The following GOLGA3 variants were observed in gnomAD, a reference collection of about 807,000 sequenced individuals.
GOLGA3 encodes golgin A3, also known as golgin subfamily A member 3.
Under a neutral mutation model 169.4 loss-of-function variants are expected in GOLGA3, and 75 were observed. The observed-to-expected ratio is 0.44, with a 90% CI of 0.37 to 0.54. GOLGA3 has a LOEUF of 0.54. GOLGA3 is among the 20% of genes least tolerant of loss of function. The probability of loss-of-function intolerance (pLI) is 0.00; values close to 1 mark genes in which losing one functional copy is unlikely to be tolerated. For synonymous variants in GOLGA3, 824 were observed against 822.4 expected, an observed-to-expected ratio of 1.00 and a Z score of -0.03; for missense variants, 1,899 against 1,930.0, an observed-to-expected ratio of 0.98 and a Z score of 0.30.
At chr12:132,796,802 GC>G in intron 9 of GOLGA3, 102 bp from the exon 10 acceptor site, 1 of 1,156,150 alleles carries the variant, frequency 8.6e-7, no homozygotes, top group Non-Finnish European at 1.2e-6. Flanking sequence ...CCTGGCATGG[GC>G]CCCATCCACC....
At position 132,782,395 on chromosome 12, in the gene GOLGA3, C is replaced by T. The variant is rs756998620; in HGVS notation, c.3366G>A (p.Thr1122=). 34 of 1,614,204 alleles carry T rather than the reference C, an allele frequency of 2.1e-5. No individual in the cohort carries two copies. The highest frequency in any genetic ancestry group is 1.6e-4 in the Middle Eastern group (1 of 6,062). Residue 1122 remains threonine, a synonymous_variant, in exon 17 of 24, where the codon ACG becomes ACA. Coordinates refer to ENST00000450791, the MANE Select transcript of GOLGA3 (RefSeq NM_001389683.1). ...GAGCTGCGTTGGACTGACCGAGGCC[C>T]GTAAGCTTCCCTTTCTCGTGCTCTA... is the stretch of plus-strand genomic sequence containing the variant. ...LELEHEKGKL[T]GLGQSNAALR...
Position 132,808,484 on chromosome 12 carries a change from T to C in GOLGA3, c.585A>G (p.Pro195=). 1.2e-6 allele frequency: 2 copies of C among 1,614,042 alleles called. No individual in the cohort carries two copies. The highest frequency in any genetic ancestry group is 1.3e-5 in the African/African-American group (1 of 75,044). The change falls in exon 5 of 24, where the codon CCA becomes CCG. Residue 195 remains proline (P), a synonymous_variant. Coordinates refer to ENST00000450791, the MANE Select transcript of GOLGA3 (RefSeq NM_001389683.1). ...STLDPELMLN[P]ENLPRASTLA... is the part of the protein sequence containing the mutation. Reference sequence around the variant, plus strand: ...GGGTACTGGCCCTTGGTAAGTTTTCTGGGTTTAACATGAGCTCAGGATCAA... The same window carrying C: ...GGGTACTGGCCCTTGGTAAGTTTTCCGGGTTTAACATGAGCTCAGGATCAA...
chr12:132,778,915 AT>A (rs1015226491), intron 18 of GOLGA3, among the ~76,000 whole-genome samples: 1 of 151,758 alleles, frequency 6.6e-6, no homozygotes, highest in Non-Finnish European at 1.5e-5. Context: ...ACCGAAAAAA[AT>A]TCAGTGAACC....
At chr12:132,800,968 C>A (rs1949103426) in intron 8 of GOLGA3, among the ~76,000 whole-genome samples, 1 of 152,074 alleles carries the variant, frequency 6.6e-6, no homozygotes, top group Non-Finnish European at 1.5e-5. Flanking sequence ...CAAAAAAAAA[C>A]CAAAAACAAA....
At chr12:132,819,456 G>A (rs537702952) in intron 2 of GOLGA3, among the ~76,000 whole-genome samples, 14 of 152,286 alleles carry the variant, frequency 9.2e-5, no homozygotes, top group East Asian at 5.8e-4. Context: ...GTGAACCCTC[G>A]AAGTGGAGCT....
In GOLGA3 at chr12:132,782,388, C is replaced by A. The variant is rs146750069; in HGVS notation, c.3373G>T (p.Gly1125Cys). Reference sequence around the variant, plus strand: ...TCCCGCAGAGCTGCGTTGGACTGACCGAGGCCCGTAAGCTTCCCTTTCTCG... The same window carrying A: ...TCCCGCAGAGCTGCGTTGGACTGACAGAGGCCCGTAAGCTTCCCTTTCTCG... The part of the protein sequence containing the change: ...EHEKGKLTGL[G>C]QSNAALREHN... The change falls in exon 17 of 24, where the codon GGT becomes TGT. Residue 1125 changes from glycine to cysteine, a missense_variant. Physicochemically the swap from Gly to Cys is radical, Grantham distance 159. Coordinates refer to ENST00000450791, the MANE Select transcript of GOLGA3 (RefSeq NM_001389683.1). 239 of 1,614,074 alleles carry A rather than the reference C, an allele frequency of 1.5e-4. No individual in the cohort carries two copies. The highest frequency in any genetic ancestry group is 1.9e-4 in the Non-Finnish European group (223 of 1,180,030).
chr12:132,774,872 G>A (rs1733532430), intron 22 of GOLGA3: 4 of 528,202 alleles, frequency 7.6e-6, no homozygotes, highest in Non-Finnish European at 1.3e-5. Flanking sequence ...GGACTGCCGA[G>A]TCACAGACCA....
At chr12:132,815,936 C>T (rs1265207215) in intron 3 of GOLGA3, among the ~76,000 whole-genome samples, 1 of 152,144 alleles carries the variant, frequency 6.6e-6, no homozygotes, top group Non-Finnish European at 1.5e-5. Context: ...TGGTGGCTCA[C>T]GCCTGTAATC....
chr12:132,773,260 C>T lies in GOLGA3; in HGVS notation c.4342G>A (p.Glu1448Lys). The change falls in exon 24 of 24, where the codon GAG (glutamate) becomes AAG (lysine). Residue 1448 changes from glutamate to lysine, a missense_variant. Transcript: ENST00000450791. ...GACTCGTGCACCGTCAGGGCGTGCT[C>T]CTCCATCTGGCGCTGCAGGCTGTCC... ...EMDSLQRQME[E>K]HALTVHESLS... 7 of 1,484,818 alleles carry T rather than the reference C, an allele frequency of 4.7e-6. No homozygotes were observed. Among genetic ancestry groups the T allele is most frequent in the Non-Finnish European group, 6.3e-6 (7 of 1,108,336 alleles). The allele number at this position is 1,484,818 out of a possible 1,614,324, so 92.0% of individuals were successfully genotyped here. A position where few individuals can be genotyped will look rare whatever the true frequency, so the allele number is the denominator to read the frequency against.
In GOLGA3 at chr12:132,786,673, C is replaced by T. The variant is rs377750920; in HGVS notation, c.2906+20G>A. The T allele has an allele frequency of 5.7e-6, 9 of 1,587,900 alleles. No homozygotes were observed. The East Asian group carries it at 6.7e-5, about 12-fold the overall frequency. On this transcript the variant is annotated intron_variant, in intron 14 of 23. Coordinates refer to ENST00000450791, the MANE Select transcript of GOLGA3 (RefSeq NM_001389683.1). ...CTCCCACCTGGCCCCCGCACCTCCC[C>T]CGGGCACATGCAGACTTACTTCCGG...
rs2045643398 is a variant in GOLGA3 at position 132,782,186 on chromosome 12, G to T, written c.3465+110C>A. Reference sequence around the variant, plus strand: ...GCCTGTTCTCTCGGCTGCAGGCCGGGTGGGCTAGGAGTCAGCACAGGTGAC... The same window carrying T: ...GCCTGTTCTCTCGGCTGCAGGCCGGTTGGGCTAGGAGTCAGCACAGGTGAC... On this transcript the variant is annotated intron_variant, in intron 17 of 23. Transcript: ENST00000450791. The T allele has an allele frequency of 4.9e-6, 5 of 1,021,858 alleles. No individual in the cohort carries two copies. In the East Asian group the frequency reaches 9.5e-5, roughly 19 times the overall value. The allele number at this position is 1,021,858 out of a possible 1,614,324, so 63.3% of individuals were successfully genotyped here. A position where few individuals can be genotyped will look rare whatever the true frequency, so the allele number is the denominator to read the frequency against.
At chr12:132,802,467 A>G (rs1949179269) in intron 7 of GOLGA3, among the ~76,000 whole-genome samples, 1 of 152,036 alleles carries the variant, frequency 6.6e-6, no homozygotes, top group Admixed American at 6.5e-5. Context: ...CACCACCAAA[A>G]AAAAAAAATT....
chr12:132,804,410 T>A lies in GOLGA3; in HGVS notation c.1597+306A>T, dbSNP rs1566116018. On this transcript the variant is annotated intron_variant, in intron 7 of 23. Transcript: ENST00000450791. This position sits in a 1 kb window ranked among gnomAD's most constrained non-coding sequence, Gnocchi z 4.1. ...CACAAGTTCAACTAAAACTTGTATT[T>A]CCTTTAGAAAAGCAGCCTCCTTATG... 6.6e-6 allele frequency among the ~76,000 whole-genome samples: 1 copy of A among 152,236 alleles called. No individual in the cohort carries two copies. The highest frequency in any genetic ancestry group is 1.5e-5 in the Non-Finnish European group (1 of 68,046).
Position 132,801,795 on chromosome 12 carries a change from C to A in GOLGA3, c.1772G>T (p.Arg591Met). The change falls in exon 8 of 24, where the codon AGG becomes ATG. Residue 591 changes from arginine to methionine, a missense_variant. Coordinates refer to ENST00000450791, the MANE Select transcript of GOLGA3 (RefSeq NM_001389683.1). ...GATGTGGGCCATCTCACCCTGCAGC[C>A]TGACGCGGGCCTCCTGTGCCAGGGC... ...QLALAQEARV[R>M]LQGEMAHIQV... 8 of 1,611,928 alleles carry A rather than the reference C, an allele frequency of 5.0e-6. No homozygotes were observed. The highest frequency in any genetic ancestry group is 3.4e-6 in the Non-Finnish European group (4 of 1,180,032).
rs2136229648 is a variant in GOLGA3, at chr12:132,772,645, CA to C, written c.*459del. On this transcript the variant is annotated 3_prime_UTR_variant, in exon 24 of 24. Coordinates refer to ENST00000450791, the MANE Select transcript of GOLGA3 (RefSeq NM_001389683.1). ...CTATCCAAAAAAACAAGTAAAAAGC[CA>C]AAGGTACAGATAAAATTTCATTTCT... 6.5e-6 allele frequency: 1 copy of C among 153,164 alleles called. No homozygotes were observed. The highest frequency in any genetic ancestry group is 6.5e-5 in the Admixed American group (1 of 15,268). The allele number at this position is 153,164 out of a possible 1,614,324, so 9.5% of individuals were successfully genotyped here. A position where few individuals can be genotyped will look rare whatever the true frequency, so the allele number is the denominator to read the frequency against.
At chr12:132,808,900 C>T (rs1412575222) in intron 4 of GOLGA3, among the ~76,000 whole-genome samples, 6 of 152,100 alleles carry the variant, frequency 3.9e-5, no homozygotes, top group South Asian at 2.1e-4. Flanking sequence ...TGTGCGGCGA[C>T]GAGAGTGTAG....
intron 7 of GOLGA3, among the ~76,000 whole-genome samples, 160 bp from the exon 8 acceptor site, chr12:132,802,129 C>T (rs886417019): frequency 1.3e-5 from 2 of 152,268 alleles, no homozygotes; most frequent in Non-Finnish European, 2.9e-5. Flanking sequence ...GCCGTGAACA[C>T]GGCATTAGTG....
At chr12:132,791,461 A>C (rs879064554) in intron 11 of GOLGA3, among the ~76,000 whole-genome samples, 168 bp from the exon 12 acceptor site, 1 of 149,970 alleles carries the variant, frequency 6.7e-6, no homozygotes, top group Non-Finnish European at 1.5e-5. Context: ...GGCTCCAGGA[A>C]AGGACACATC....
At chr12:132,798,285 T>C (rs1948967936) in intron 9 of GOLGA3, 55 bp downstream of exon 9, 6 of 1,502,968 alleles carry the variant, frequency 4.0e-6, no homozygotes, top group Non-Finnish European at 5.4e-6. Flanking sequence ...ACACACATGG[T>C]ATCGATGTCT....
Sources: allele counts gnomAD v4.1 joint callset (sites outside exome capture counted in the v4.1 genomes callset), GRCh38; gene constraint gnomAD v4.1.1; non-coding constraint Gnocchi (gnomAD v3.1); transcripts MANE v1.5; gene names NCBI Gene and HGNC (gene_info 2026-07-23, HGNC 2026-07-21).